Variants in RFX3 observed in about 807,000 individuals in gnomAD.
RFX3 encodes transcription factor RFX3.
A neutral mutation model predicts 98.6 loss-of-function variants in RFX3; 14 were observed. The observed-to-expected ratio is 0.14, with a 90% confidence interval of 0.09 to 0.22. RFX3 has a LOEUF of 0.22. Ranked by LOEUF, RFX3 falls within the 10% of genes least tolerant of loss-of-function variation. The probability of loss-of-function intolerance (pLI) is 1.00; values close to 1 mark genes in which losing one functional copy is unlikely to be tolerated. For missense variants in RFX3, 639 were observed against 926.9 expected (o/e 0.69, Z 4.03); for synonymous variants, 383 against 328.4 (o/e 1.17, Z -1.80).
chr9:3,277,813 T>C (rs752822183), intron 7 of RFX3, among the ~76,000 whole-genome samples: 1 of 151,962 alleles, frequency 6.6e-6, no homozygotes, highest in African/African-American at 2.4e-5. Context: ...AATGGATATA[T>C]TGGAACTTTA....
chr9:3,296,604 G>T (rs1378008515), intron 5 of RFX3, among the ~76,000 whole-genome samples: 2 of 151,988 alleles, frequency 1.3e-5, no homozygotes, highest in Non-Finnish European at 2.9e-5. Context: ...AATGGTACAA[G>T]AACAGGTATT....
At chr9:3,276,949 A>T (rs1484589853) in intron 8 of RFX3, among the ~76,000 whole-genome samples, 1 of 151,992 alleles carries the variant, frequency 6.6e-6, no homozygotes, top group Non-Finnish European at 1.5e-5. Context: ...AGTTTATAAA[A>T]ATTTTTTTTC....
intron 4 of RFX3, among the ~76,000 whole-genome samples, chr9:3,312,782 G>C (rs1830115379): frequency 6.6e-6 from 1 of 152,208 alleles, no homozygotes; most frequent in Non-Finnish European, 1.5e-5. Flanking sequence ...ACACCAGTCT[G>C]AGATTGAACT....
At chr9:3,492,071 C>T (rs191143683) in intron 1 of RFX3, among the ~76,000 whole-genome samples, 1 of 152,268 alleles carries the variant, frequency 6.6e-6, no homozygotes, top group East Asian at 1.9e-4. Context: ...ATCTACTCTG[C>T]CCTTCAAAAT....
intron 4 of RFX3, among the ~76,000 whole-genome samples, chr9:3,327,255 T>G (rs1290445418): frequency 6.6e-6 from 1 of 152,104 alleles, no homozygotes; most frequent in Non-Finnish European, 1.5e-5. Context: ...ATGGTTAGCA[T>G]TTCTCACATT....
chr9:3,503,968 T>C (rs903126751), intron 1 of RFX3, among the ~76,000 whole-genome samples: 3 of 151,466 alleles, frequency 2.0e-5, no homozygotes, highest in Non-Finnish European at 4.4e-5. Context: ...TAACACTTCA[T>C]GTGCACACGC....
intron 15 of RFX3, among the ~76,000 whole-genome samples, chr9:3,229,114 A>G (rs1168698490): frequency 6.6e-6 from 1 of 152,190 alleles, no homozygotes; most frequent in African/African-American, 2.4e-5. Context: ...TCGCAGAAGG[A>G]TAACAATTTT....
At position 3,234,381 on chromosome 9, in the gene RFX3, G is replaced by T. The variant is rs180922690; in HGVS notation, c.1969-5492C>A. Among the ~76,000 whole-genome samples, 35 of 152,288 alleles carry T rather than the reference G, an allele frequency of 2.3e-4. 1 individual carries two copies. Among genetic ancestry groups the T allele is most frequent in the Admixed American group, 1.8e-3 (28 of 15,298 alleles). ...AGGCTGGGCACAGTGGCTTACGCTTGTAATACTAGCACTTTGGGAAGCACA... is the reference window on the plus strand; with the variant it reads ...AGGCTGGGCACAGTGGCTTACGCTTTTAATACTAGCACTTTGGGAAGCACA... On this transcript the variant is annotated intron_variant, in intron 15 of 16. Coordinates refer to ENST00000617270, the MANE Select transcript of RFX3 (RefSeq NM_001282116.2).
At chr9:3,524,827 GCACACACACACACACACACACACA>G (rs34119220) in intron 1 of RFX3, among the ~76,000 whole-genome samples, 17 of 128,224 alleles carry the variant, frequency 1.3e-4, no homozygotes, top group East Asian at 3.3e-4. Context: ...TAAATCACAA[GCACACACACACACACACACACACA>G]CACACACACA....
intron 2 of RFX3, among the ~76,000 whole-genome samples, chr9:3,361,032 C>A (rs1422854299): frequency 6.6e-6 from 1 of 152,128 alleles, no homozygotes; most frequent in Non-Finnish European, 1.5e-5. Context: ...ACATTTCAAA[C>A]CTTAGTTTTC....
chr9:3,504,045 T>C (rs1430724577), intron 1 of RFX3, among the ~76,000 whole-genome samples: 1 of 150,482 alleles, frequency 6.6e-6, no homozygotes, highest in Non-Finnish European at 1.5e-5. Context: ...ACTTCAAGAA[T>C]TTAATTTTGA....
intron 4 of RFX3, among the ~76,000 whole-genome samples, chr9:3,304,844 G>A (rs1399241282): frequency 6.6e-6 from 1 of 151,938 alleles, no homozygotes; most frequent in South Asian, 2.1e-4. Flanking sequence ...GGACTAATAT[G>A]CCAAACAAGA....
intron 2 of RFX3, among the ~76,000 whole-genome samples, chr9:3,365,272 C>T (rs1427201851): frequency 6.7e-6 from 1 of 148,740 alleles, no homozygotes; most frequent in African/African-American, 2.5e-5. Flanking sequence ...TGCACTCCAG[C>T]CTGGTGACAG....
intron 15 of RFX3, among the ~76,000 whole-genome samples, chr9:3,241,802 C>T (rs1819963833): frequency 6.6e-6 from 1 of 152,084 alleles, no homozygotes; most frequent in Non-Finnish European, 1.5e-5. Flanking sequence ...TTTCCAAATG[C>T]AATTTGCTTA....
chr9:3,339,415 C>T (rs551966260), intron 3 of RFX3, among the ~76,000 whole-genome samples: 5 of 152,178 alleles, frequency 3.3e-5, no homozygotes, highest in African/African-American at 9.6e-5. Context: ...CACACATGTA[C>T]GTTAAGTCTC....
chr9:3,431,994 G>A (rs932082232), intron 1 of RFX3, among the ~76,000 whole-genome samples: 1 of 152,116 alleles, frequency 6.6e-6, no homozygotes, highest in African/African-American at 2.4e-5. Flanking sequence ...TCGGGTTTAT[G>A]ATCAGGACTG....
At chr9:3,282,889 T>C (rs1003335270) in intron 7 of RFX3, among the ~76,000 whole-genome samples, 1 of 151,804 alleles carries the variant, frequency 6.6e-6, no homozygotes, top group African/African-American at 2.4e-5. Context: ...CTCAGTTTCC[T>C]TATCAGTAAG....
chr9:3,265,433 A>T (rs1307269176), intron 12 of RFX3, among the ~76,000 whole-genome samples: 1 of 152,136 alleles, frequency 6.6e-6, no homozygotes, highest in Admixed American at 6.6e-5. Context: ...AATAACTTCA[A>T]TTGCTCAACT....
Position 3,242,405 on chromosome 9 carries a change from GT to G in RFX3, c.1968+5626del, listed in dbSNP as rs1307585306. 3.8e-3 allele frequency among the ~76,000 whole-genome samples: 552 copies of G among 146,212 alleles called. 1 individual carries two copies. The highest frequency in any genetic ancestry group is 0.012 in the African/African-American group (466 of 40,042). Reference sequence around the variant, plus strand: ...TCTAAGCCACTACTCTTCCATGATTGTTTTTTTTTTTCCTGCAAACTATCTC... The same window carrying G: ...TCTAAGCCACTACTCTTCCATGATTGTTTTTTTTTTCCTGCAAACTATCTC... On this transcript the variant is annotated intron_variant, in intron 15 of 16. Transcript: ENST00000617270.
Sources: gnomAD v4.1 joint callset for allele counts (sites outside exome capture counted in the v4.1 genomes callset) on GRCh38, gnomAD v4.1.1 for gene constraint, MANE v1.5 for transcripts, NCBI Gene and HGNC (gene_info 2026-07-23, HGNC 2026-07-21) for gene names.